SNX20: variants seen among roughly 807,000 people sequenced by gnomAD.
SNX20 encodes sorting nexin 20, also known as sorting nexin-20.
Under a neutral mutation model 24.5 loss-of-function variants are expected in SNX20, and 21 were observed. That is an observed-to-expected ratio of 0.86 (90% CI 0.61 to 1.23). The LOEUF (loss-of-function observed/expected upper bound fraction) is 1.23. SNX20 is among the 50% of genes most tolerant of loss of function. The pLI, the probability that SNX20 is intolerant of heterozygous loss-of-function variation, is 0.00. For missense variants in SNX20, 433 were observed against 430.8 expected (o/e 1.00, Z -0.04); for synonymous variants, 206 against 192.8 (o/e 1.07, Z -0.57).
chr16:50,668,872 G>A, downstream of SNX20: 17 of 1,404,620 alleles, frequency 1.2e-5, no homozygotes, highest in Non-Finnish European at 1.5e-5. Flanking sequence ...TAGGCCAAGG[G>A]GTCACAGTCC....
chr16:50,676,381 G>A (rs1432658157), intron 2 of SNX20, among the ~76,000 whole-genome samples: 9 of 152,174 alleles, frequency 5.9e-5, no homozygotes, highest in African/African-American at 2.2e-4. Flanking sequence ...CAGCCTCAGC[G>A]GGCTGGCCCT....
rs1963059450 is a variant in SNX20, at chr16:50,671,942, G to A, written c.*1464C>T. On this transcript the variant is annotated 3_prime_UTR_variant, in exon 4 of 4. Transcript: ENST00000330943. ...GGCCAAGTTCCTCTCCTTAAGTGGT[G>A]TCTCACATTAAGGTTCCCAAATTAC... 1 of 152,232 alleles carries A rather than the reference G, an allele frequency of 6.6e-6. No individual in the cohort carries two copies. Among genetic ancestry groups the A allele is most frequent in the Non-Finnish European group, 1.5e-5 (1 of 68,058 alleles). 9.4% of individuals were successfully genotyped at this position (152,232 alleles called of 1,614,324 possible). A position where few individuals can be genotyped will look rare whatever the true frequency, so the allele number is the denominator to read the frequency against.
intron 1 of SNX20, 96 bp from the exon 2 acceptor site, chr16:50,677,631 CA>C: frequency 1.6e-6 from 2 of 1,276,132 alleles, no homozygotes; most frequent in South Asian, 3.7e-5. Flanking sequence ...CCCCTCCTGG[CA>C]GGCAGAGGGA....
chr16:50,680,598 TA>T (rs1286086652), intron 1 of SNX20, among the ~76,000 whole-genome samples: 1 of 152,096 alleles, frequency 6.6e-6, no homozygotes, highest in African/African-American at 2.4e-5. Flanking sequence ...GATGAGCCTC[TA>T]GGGGGTGAAA....
chr16:50,677,783 T>C (rs575349041), intron 1 of SNX20, among the ~76,000 whole-genome samples: 1 of 152,350 alleles, frequency 6.6e-6, no homozygotes, highest in East Asian at 1.9e-4. Context: ...GTTATTGAGG[T>C]GATCCTTACG....
chr16:50,671,374 G>C (rs1963046994), downstream of SNX20: 1 of 152,128 alleles, frequency 6.6e-6, no homozygotes, highest in South Asian at 2.1e-4. Flanking sequence ...AATTCTCAGA[G>C]GAAGTTCCCT....
chr16:50,673,799 C>A lies in SNX20; in HGVS notation c.558G>T (p.Arg186=). The part of the protein sequence containing the change: ...RSREFLDFLT[R]PELREAFGCL... Reference sequence around the variant, plus strand: ...AGCCGAAAGCCTCGCGCAGCTCCGGCCGCGTGAGGAAGTCCAGGAACTCCC... The same window carrying A: ...AGCCGAAAGCCTCGCGCAGCTCCGGACGCGTGAGGAAGTCCAGGAACTCCC... The change falls in exon 4 of 4, where the codon CGG becomes CGT. Residue 186 remains arginine, a synonymous_variant. Coordinates refer to ENST00000330943, the MANE Select transcript of SNX20 (RefSeq NM_182854.4). The surrounding 1 kb of genome is among the most constrained non-coding windows in gnomAD (Gnocchi z 4.1). 3 of 1,577,806 alleles carry A rather than the reference C, an allele frequency of 1.9e-6. No homozygotes were observed. The highest frequency in any genetic ancestry group is 1.7e-6 in the Non-Finnish European group (2 of 1,168,334).
chr16:50,668,206 C>T (rs1962960309), downstream of SNX20: 27 of 1,481,996 alleles, frequency 1.8e-5, no homozygotes, highest in South Asian at 4.0e-5. Flanking sequence ...CAGCAACGCA[C>T]GGGCAACACG....
At position 50,673,848 on chromosome 16, in the gene SNX20, G is replaced by T. The variant is rs1241675063; in HGVS notation, c.509C>A (p.Ala170Asp). ...ALQEYLGLLY[A>D]IRCVRRSREF... ...CCGGGAGCGGCGCACGCAGCGGATG[G>T]CGTAGAGCAGGCCCAGGTACTCCTG... The change falls in exon 4 of 4, where the codon GCC becomes GAC. Residue 170 changes from alanine (A) to aspartate (D), a missense_variant. Coordinates refer to ENST00000330943, the MANE Select transcript of SNX20 (RefSeq NM_182854.4). This position sits in a 1 kb window ranked among gnomAD's most constrained non-coding sequence, Gnocchi z 4.1. The T allele has an allele frequency of 6.2e-7, 1 of 1,603,518 alleles. No individual in the cohort carries two copies. The highest frequency in any genetic ancestry group is 8.5e-7 in the Non-Finnish European group (1 of 1,179,062).
intron 1 of SNX20, 60 bp downstream of exon 1, chr16:50,681,130 G>A (rs1292215304): frequency 6.5e-6 from 1 of 153,158 alleles, no homozygotes; most frequent in Non-Finnish European, 1.5e-5. Context: ...AGGGCCCCAG[G>A]AGAAGGGGAC....
chr16:50,678,919 T>C (rs868473013), intron 1 of SNX20, among the ~76,000 whole-genome samples: 2 of 152,238 alleles, frequency 1.3e-5, no homozygotes, highest in Non-Finnish European at 2.9e-5. Context: ...TACCCCCGCT[T>C]TTAGTGTCTG....
At chr16:50,677,050 C>T (rs1024275032) in intron 2 of SNX20, among the ~76,000 whole-genome samples, 4 of 152,302 alleles carry the variant, frequency 2.6e-5, no homozygotes, top group East Asian at 1.9e-4. Flanking sequence ...GATAACAGCC[C>T]GGCTTCCTCA....
At chr16:50,668,047 G>C (rs1962956422), downstream of SNX20, 1 of 1,551,568 alleles carries the variant, frequency 6.4e-7, no homozygotes, top group Admixed American at 2.0e-5. Context: ...GGAGCCTACG[G>C]GTTGAAAGCC....
intron 3 of SNX20, 39 bp from the exon 4 acceptor site, chr16:50,674,113 C>T (rs570109822): frequency 1.3e-6 from 2 of 1,544,994 alleles, no homozygotes; most frequent in South Asian, 2.5e-5. Flanking sequence ...CACCTCCCGG[C>T]GGGGGCTGCG....
chr16:50,675,130 C>G (rs758292391), intron 3 of SNX20, among the ~76,000 whole-genome samples: 71 of 152,162 alleles, frequency 4.7e-4, no homozygotes, highest in Middle Eastern at 3.2e-3. Flanking sequence ...TTATCCCGGT[C>G]CCAGGTAAGT....
Position 50,673,960 on chromosome 16 carries a change from C to T in SNX20, c.397G>A (p.Glu133Lys). The T allele has an allele frequency of 1.9e-6, 3 of 1,613,436 alleles. No homozygotes were observed. Among genetic ancestry groups the T allele is most frequent in the Non-Finnish European group, 2.5e-6 (3 of 1,179,786 alleles). ...GGAAACTCCACGTCTTCGATCTCCT[C>T]CCTGAACGTCTTCAGCAGCGCTTTC... ...LQKALLKTFR[E>K]EIEDVEFPRK... The change falls in exon 4 of 4, where the codon GAG becomes AAG. Residue 133 changes from glutamate (E) to lysine (K), a missense_variant. Coordinates refer to ENST00000330943, the MANE Select transcript of SNX20 (RefSeq NM_182854.4). The surrounding 1 kb of genome is among the most constrained non-coding windows in gnomAD (Gnocchi z 4.1).
chr16:50,667,959 T>C (rs764168511), downstream of SNX20: 19 of 1,515,830 alleles, frequency 1.3e-5, no homozygotes, highest in African/African-American at 2.8e-5. Flanking sequence ...AAGGACATAC[T>C]GCGGCTTCAG....
In SNX20 at chr16:50,675,912, CTG is replaced by C; in HGVS notation, c.138_139del (p.His46GlnfsTer33). The stretch of plus-strand genomic sequence containing the variant: ...CATGCTGGAGTTGGAGCTCAGGCCA[CTG>C]TGTGTGTCTGGAAGGACAACACCCT... On this transcript the variant is annotated frameshift_variant, in exon 3 of 4. Transcript: ENST00000330943. LOFTEE classifies it high-confidence loss of function. The C allele has an allele frequency of 6.2e-7, 1 of 1,606,232 alleles. No homozygotes were observed. The highest frequency in any genetic ancestry group is 8.5e-7 in the Non-Finnish European group (1 of 1,177,558).
At position 50,673,346 on chromosome 16, in the gene SNX20, G is replaced by A. The variant is rs778918122; in HGVS notation, c.*60C>T. On this transcript the variant is annotated 3_prime_UTR_variant, in exon 4 of 4. Transcript: ENST00000330943. This position sits in a 1 kb window ranked among gnomAD's most constrained non-coding sequence, Gnocchi z 4.1. ...AAATAAAAAAAAAGAACCCCAAACA[G>A]CCCACTGTGAGCCATGGTGACCCCA... 1 of 1,412,864 alleles carries A rather than the reference G, an allele frequency of 7.1e-7. No homozygotes were observed. 87.5% of individuals were successfully genotyped at this position (1,412,864 alleles called of 1,614,324 possible). A position where few individuals can be genotyped will look rare whatever the true frequency, so the allele number is the denominator to read the frequency against.
Sources: allele counts gnomAD v4.1 joint callset (sites outside exome capture counted in the v4.1 genomes callset), GRCh38; gene constraint gnomAD v4.1.1; non-coding constraint Gnocchi (gnomAD v3.1); transcripts MANE v1.5; gene names NCBI Gene and HGNC (gene_info 2026-07-23, HGNC 2026-07-21).